Variants in CALD1 observed in about 807,000 individuals in gnomAD.
The protein encoded by CALD1 is caldesmon.
Under a neutral mutation model 99.9 loss-of-function variants are expected in CALD1, and 33 were observed. The ratio of observed to expected loss-of-function variants is 0.33; its 90% CI spans 0.25 to 0.44. The LOEUF is 0.44. Ranked by LOEUF, CALD1 falls within the 20% of genes least tolerant of loss-of-function variation. The pLI, the probability that CALD1 is intolerant of heterozygous loss-of-function variation, is 1.00. For missense variants in CALD1, 861 were observed against 962.1 expected (o/e 0.89, Z 1.39); for synonymous variants, 310 against 325.0 (o/e 0.95, Z 0.50).
chr7:134,777,153 T>C (rs1298951926), upstream of CALD1, among the ~76,000 whole-genome samples: 1 of 152,194 alleles, frequency 6.6e-6, no homozygotes, highest in Non-Finnish European at 1.5e-5. Flanking sequence ...TATCTTTTTT[T>C]TTCCCCCTTC....
chr7:134,935,668 C>T lies in CALD1; in HGVS notation c.1309-20C>T, dbSNP rs1805913156. Reference sequence around the variant, plus strand: ...GGCTTCTTTTACTTGTGTGACCTTACCATTCTTGAAAATAAAAAGGGAGAA... The same window carrying T: ...GGCTTCTTTTACTTGTGTGACCTTATCATTCTTGAAAATAAAAAGGGAGAA... On this transcript the variant is annotated intron_variant, in intron 5 of 14. Coordinates refer to ENST00000361675, the MANE Select transcript of CALD1 (RefSeq NM_033138.4). 1.3e-6 allele frequency: 2 copies of T among 1,597,876 alleles called. No individual in the cohort carries two copies. The highest frequency in any genetic ancestry group is 1.7e-5 in the Admixed American group (1 of 57,438).
At chr7:134,892,549 C>CA (rs1441467683) in intron 3 of CALD1, among the ~76,000 whole-genome samples, 6 of 152,132 alleles carry the variant, frequency 3.9e-5, no homozygotes, top group South Asian at 4.1e-4. Flanking sequence ...AGCGTTTGTG[C>CA]AACAGTTAAT....
At position 134,934,045 on chromosome 7, in the gene CALD1, G is replaced by A. The variant is rs1805754808; in HGVS notation, c.1276G>A (p.Asp426Asn). The A allele has an allele frequency of 3.7e-6, 6 of 1,612,238 alleles. No homozygotes were observed. The highest frequency in any genetic ancestry group is 1.3e-5 in the African/African-American group (1 of 74,572). ...KWVNEKKAQE[D>N]KLQTAVLKKQ... Reference sequence around the variant, plus strand: ...GGTAAATGAAAAGAAAGCACAAGAAGATAAACTTCAGACAGCTGTCCTAAA... The same window carrying A: ...GGTAAATGAAAAGAAAGCACAAGAAAATAAACTTCAGACAGCTGTCCTAAA... The change falls in exon 5 of 15, where the codon GAT (aspartate) becomes AAT (asparagine). Residue 426 changes from aspartate to asparagine, a missense_variant. Coordinates refer to ENST00000361675, the MANE Select transcript of CALD1 (RefSeq NM_033138.4).
chr7:134,950,637 T>A, intron 9 of CALD1, 123 bp downstream of exon 9: 5 of 822,720 alleles, frequency 6.1e-6, no homozygotes, highest in Non-Finnish European at 9.8e-6. Flanking sequence ...TCCAAGTTAA[T>A]CTGTTCAGGC....
chr7:134,717,618 G>A, the CALD1 span, among the ~76,000 whole-genome samples: 1 of 152,184 alleles, frequency 6.6e-6, no homozygotes, highest in Non-Finnish European at 1.5e-5. Context: ...TGGAGCATTC[G>A]CCCGCCTCCC....
Position 134,867,727 on chromosome 7 carries a change from T to A in CALD1, c.-7T>A. On this transcript the variant is annotated 5_prime_UTR_variant, in exon 3 of 15. Coordinates refer to ENST00000361675, the MANE Select transcript of CALD1 (RefSeq NM_033138.4). ...TCATCTGGTCTCCCTGAACCTGAAA[T>A]CACACCATGGATGATTTTGAGCGTC... is the stretch of plus-strand genomic sequence containing the variant. The A allele has an allele frequency of 6.3e-7, 1 of 1,599,222 alleles. No individual in the cohort carries two copies. Among genetic ancestry groups the A allele is most frequent in the Non-Finnish European group, 8.6e-7 (1 of 1,169,550 alleles).
the CALD1 span, among the ~76,000 whole-genome samples, chr7:134,713,917 C>T: frequency 2.6e-5 from 4 of 152,102 alleles, no homozygotes; most frequent in African/African-American, 9.7e-5. Context: ...AATCTCAGGT[C>T]AACTTGTAAT....
the CALD1 span, among the ~76,000 whole-genome samples, chr7:134,719,699 C>T: frequency 2.0e-5 from 3 of 152,114 alleles, no homozygotes; most frequent in African/African-American, 4.8e-5. Flanking sequence ...TTTGCTTGGA[C>T]GTCAACGGCC....
the CALD1 span, among the ~76,000 whole-genome samples, chr7:134,719,654 A>G: frequency 1.3e-5 from 2 of 152,262 alleles, no homozygotes; most frequent in East Asian, 1.9e-4. Context: ...GGGCCCATCA[A>G]TGGCCATTGT....
intron 2 of CALD1, among the ~76,000 whole-genome samples, chr7:134,860,926 G>C (rs1800535676): frequency 6.6e-6 from 1 of 152,126 alleles, no homozygotes; most frequent in African/African-American, 2.4e-5. Context: ...AAAATGTAGA[G>C]GTAGAAAGTT....
chr7:134,933,210 C>A lies in CALD1; in HGVS notation c.441C>A (p.Thr147=), dbSNP rs151220643. The part of the protein sequence containing the change: ...MQNDTAENET[T]EKEEKSESRQ... ...ATGACACAGCAGAAAATGAAACTAC[C>A]GAGAAGGAAGAAAAAAGTGAAAGTC... The change falls in exon 5 of 15, where the codon ACC becomes ACA. Residue 147 remains threonine, a synonymous_variant. Transcript: ENST00000361675. 6.2e-7 allele frequency: 1 copy of A among 1,609,580 alleles called. No homozygotes were observed. The highest frequency in any genetic ancestry group is 8.5e-7 in the Non-Finnish European group (1 of 1,178,736).
Position 134,905,681 on chromosome 7 carries a change from G to A in CALD1, c.72-23073G>A, listed in dbSNP as rs111905616. 2.0e-4 allele frequency among the ~76,000 whole-genome samples: 30 copies of A among 151,466 alleles called. 1 individual carries two copies. The highest frequency in any genetic ancestry group is 5.6e-4 in the African/African-American group (23 of 40,838). On this transcript the variant is annotated intron_variant, in intron 3 of 14. Transcript: ENST00000361675. ...AGGAGCAGGGCTGGAGGGCTGGAGAGGAAGGATCTAGCAAGAGACTTTGAG... is the reference window on the plus strand; with the variant it reads ...AGGAGCAGGGCTGGAGGGCTGGAGAAGAAGGATCTAGCAAGAGACTTTGAG...
At chr7:134,939,636 T>C (rs538520814) in intron 6 of CALD1, among the ~76,000 whole-genome samples, 246 of 152,266 alleles carry the variant, frequency 1.6e-3, no homozygotes, top group Non-Finnish European at 3.1e-3. Flanking sequence ...AACTTATCAA[T>C]AAAGAGCAAA....
chr7:134,734,346 T>G, the CALD1 span, among the ~76,000 whole-genome samples: 2 of 85,222 alleles, frequency 2.3e-5, no homozygotes, highest in South Asian at 9.6e-4. Context: ...GTGGTTTTTG[T>G]TTTTTGGGTT....
intron 5 of CALD1, among the ~76,000 whole-genome samples, chr7:134,935,306 G>T (rs912541032): frequency 6.6e-6 from 1 of 152,152 alleles, no homozygotes; most frequent in Non-Finnish European, 1.5e-5. Flanking sequence ...CACCTTTCCA[G>T]AGCAAATTCT....
intron 1 of CALD1, among the ~76,000 whole-genome samples, chr7:134,807,190 A>G (rs751290055): frequency 2.0e-5 from 3 of 152,140 alleles, no homozygotes; most frequent in Non-Finnish European, 4.4e-5. Flanking sequence ...TAATGGGAAA[A>G]ATGGAAATAT....
chr7:134,929,137 C>T (rs1179283097), intron 4 of CALD1, among the ~76,000 whole-genome samples: 1 of 152,070 alleles, frequency 6.6e-6, no homozygotes, highest in African/African-American at 2.4e-5. Context: ...ATAAACATAC[C>T]CCAGTTGAAG....
chr7:134,957,996 T>A, intron 9 of CALD1, 73 bp from the exon 10 acceptor site: 1 of 1,119,410 alleles, frequency 8.9e-7, no homozygotes, highest in Non-Finnish European at 1.4e-6. Context: ...AGGGATGATA[T>A]TGGCCTGGGC....
chr7:134,779,393 T>G, upstream of CALD1: 1 of 325,974 alleles, frequency 3.1e-6, no homozygotes, highest in Non-Finnish European at 5.5e-6. Flanking sequence ...TTTCAGAGCT[T>G]TTTAGGTCTT....
Sources: allele counts gnomAD v4.1 joint callset (sites outside exome capture counted in the v4.1 genomes callset), GRCh38; gene constraint gnomAD v4.1.1; transcripts MANE v1.5; gene names NCBI Gene and HGNC (gene_info 2026-07-23, HGNC 2026-07-21).